SORBS3: variants seen among roughly 807,000 people sequenced by gnomAD.
SORBS3 encodes vinexin.
SORBS3 carries 69 observed loss-of-function variants against 98.0 expected under a neutral mutation model. The ratio of observed to expected loss-of-function variants is 0.70; its 90% confidence interval spans 0.58 to 0.86. The LOEUF is 0.86. Ranked by LOEUF, SORBS3 falls within the 40% of genes least tolerant of loss-of-function variation. The pLI, the probability that SORBS3 is intolerant of heterozygous loss-of-function variation, is 0.00. For synonymous variants in SORBS3, 394 were observed against 355.4 expected, an observed-to-expected ratio of 1.11 and a Z score of -1.22; for missense variants, 954 against 908.5, an observed-to-expected ratio of 1.05 and a Z score of -0.64.
chr8:22,572,433 T>C lies in SORBS3; in HGVS notation c.1941T>C (p.Asp647=). The change falls in exon 20 of 21, where the codon GAT becomes GAC. Residue 647 remains aspartate (D), a synonymous_variant. Coordinates refer to ENST00000240123, the MANE Select transcript of SORBS3 (RefSeq NM_005775.5). ...TGGATGTCATGCAGCAGTGTGACGA[T>C]GGCTGGTTTGTGGGTATGTGGGCAG... is the stretch of plus-strand genomic sequence containing the variant. ...DRVDVMQQCD[D]GWFVGVSRRT... 2 of 1,613,542 alleles carry C rather than the reference T, an allele frequency of 1.2e-6. No homozygotes were observed. The highest frequency in any genetic ancestry group is 2.2e-5 in the East Asian group (1 of 44,892).
intron 4 of SORBS3, among the ~76,000 whole-genome samples, chr8:22,557,801 G>A (rs565278439): frequency 1.5e-4 from 23 of 152,320 alleles, no homozygotes; most frequent in African/African-American, 5.5e-4. Context: ...TGACACAGGA[G>A]ACCCTGTCTC....
chr8:22,555,075 G>A, intron 3 of SORBS3, 95 bp downstream of exon 3: 1 of 1,062,234 alleles, frequency 9.4e-7, no homozygotes, highest in Admixed American at 2.0e-5. Context: ...AGCAGCTGGA[G>A]ATGGGGTTCT....
At chr8:22,548,539 G>T (rs1365987695), upstream of SORBS3, among the ~76,000 whole-genome samples, 2 of 152,180 alleles carry the variant, frequency 1.3e-5, no homozygotes, top group Non-Finnish European at 2.9e-5. Flanking sequence ...TCAGAATTCT[G>T]AGAGCAAAAC....
Position 22,554,477 on chromosome 8 carries a change from T to C in SORBS3, c.-30T>C. The C allele has an allele frequency of 1.2e-6, 2 of 1,601,472 alleles. No homozygotes were observed. The highest frequency in any genetic ancestry group is 1.7e-6 in the Non-Finnish European group (2 of 1,176,604). On this transcript the variant is annotated 5_prime_UTR_variant, in exon 2 of 21. Coordinates refer to ENST00000240123, the MANE Select transcript of SORBS3 (RefSeq NM_005775.5). This position sits in a 1 kb window ranked among gnomAD's most constrained non-coding sequence, Gnocchi z 6.5. ...AGGACACGCAGAGGAGCAGCTGGCT[T>C]GCCCGGAGTCCTCCCACCTTGACCC... is the stretch of plus-strand genomic sequence containing the variant.
rs1586912542 is a variant in SORBS3, at chr8:22,574,760, G to A, written c.*32G>A. ...TCCATGGCAACTTGGAGCCAGCCAGGATGGGGTGGGGAGCGGTGGCACTCG... is the reference window on the plus strand; with the variant it reads ...TCCATGGCAACTTGGAGCCAGCCAGAATGGGGTGGGGAGCGGTGGCACTCG... On this transcript the variant is annotated 3_prime_UTR_variant, in exon 21 of 21. Transcript: ENST00000240123. 6.2e-7 allele frequency: 1 copy of A among 1,607,320 alleles called. No homozygotes were observed. The highest frequency in any genetic ancestry group is 8.5e-7 in the Non-Finnish European group (1 of 1,174,270).
At chr8:22,550,128 C>T (rs1047633731), upstream of SORBS3, 4 of 551,436 alleles carry the variant, frequency 7.3e-6, no homozygotes, top group East Asian at 1.5e-4. Context: ...GGCTACCTGG[C>T]GTGGATAAGA....
intron 10 of SORBS3, chr8:22,565,036 C>T (rs1466448208): frequency 2.1e-6 from 3 of 1,403,186 alleles, no homozygotes; most frequent in Non-Finnish European, 2.8e-6. Context: ...ATCGCGGGAT[C>T]AGGAAGCGCG....
At position 22,564,535 on chromosome 8, in the gene SORBS3, G is replaced by A; in HGVS notation, c.816+14G>A. ...CAGCCCATTGAGGTGAGTGCTGCAG[G>A]GTGCTGGGGACAGCAGCCTGATAAA... is the stretch of plus-strand genomic sequence containing the variant. On this transcript the variant is annotated intron_variant, in intron 10 of 20. Transcript: ENST00000240123. 6.2e-7 allele frequency: 1 copy of A among 1,613,996 alleles called. No individual in the cohort carries two copies. The highest frequency in any genetic ancestry group is 8.5e-7 in the Non-Finnish European group (1 of 1,179,964).
chr8:22,563,535 C>G (rs920114199), intron 7 of SORBS3, among the ~76,000 whole-genome samples: 3 of 152,170 alleles, frequency 2.0e-5, no homozygotes. Flanking sequence ...AGCCACAGCA[C>G]CCAGAAAGAC....
At chr8:22,563,893 A>G (rs912176962) in intron 7 of SORBS3, 94 bp from the exon 8 acceptor site, 4 of 934,200 alleles carry the variant, frequency 4.3e-6, no homozygotes, top group Middle Eastern at 2.5e-4. Flanking sequence ...TAGACCCCAC[A>G]GCAGGGACAA....
intron 3 of SORBS3, among the ~76,000 whole-genome samples, chr8:22,556,297 G>A (rs575257760): frequency 6.6e-6 from 1 of 152,338 alleles, no homozygotes; most frequent in Admixed American, 6.5e-5. Context: ...TGGAAACTGA[G>A]ACACTGAGAA....
chr8:22,562,852 C>T (rs184563580), intron 7 of SORBS3, among the ~76,000 whole-genome samples: 198 of 152,358 alleles, frequency 1.3e-3, no homozygotes, highest in Non-Finnish European at 1.5e-3. Context: ...TGTGGTGGCT[C>T]ACGCCTGTAA....
intron 1 of SORBS3, 76 bp downstream of exon 1, chr8:22,552,098 AC>A (rs1166225492): frequency 1.0e-6 from 1 of 978,998 alleles, no homozygotes; most frequent in Non-Finnish European, 1.2e-6. Context: ...AGGGAATCGC[AC>A]CTAGCCCCTC....
Position 22,569,191 on chromosome 8 carries a change from C to A in SORBS3, c.1349C>A (p.Thr450Asn), listed in dbSNP as rs373186749. 258 of 1,611,504 alleles carry A rather than the reference C, an allele frequency of 1.6e-4. No individual in the cohort carries two copies. In the Admixed American group the frequency reaches 1.9e-3, roughly 12 times the overall value. ...DEIPKPIKPPTYQVLEYGEAV... is the reference protein window; with the variant it reads ...DEIPKPIKPPNYQVLEYGEAV... ...ATCCCTAAGCCCATCAAGCCCCCGACCTACCAGGTGCTGGAGTATGGAGAG... is the reference window on the plus strand; with the variant it reads ...ATCCCTAAGCCCATCAAGCCCCCGAACTACCAGGTGCTGGAGTATGGAGAG... Residue 450 changes from threonine (T) to asparagine (N), a missense_variant, in exon 17 of 21, where the codon ACC becomes AAC. Coordinates refer to ENST00000240123, the MANE Select transcript of SORBS3 (RefSeq NM_005775.5).
chr8:22,545,454 T>C (rs1410691644), intron 1 of SORBS3: 2 of 152,240 alleles, frequency 1.3e-5, no homozygotes, highest in Admixed American at 6.5e-5. Flanking sequence ...CGAGAGTGAA[T>C]GGGGTCAGTG....
intron 5 of SORBS3, chr8:22,561,108 C>T (rs1840286020): frequency 2.1e-6 from 1 of 472,928 alleles, no homozygotes; most frequent in Non-Finnish European, 3.7e-6. Flanking sequence ...TTGGGCAAGG[C>T]GGCTGCCCGC....
chr8:22,570,664 G>C (rs530372417), intron 17 of SORBS3, among the ~76,000 whole-genome samples: 18 of 152,136 alleles, frequency 1.2e-4, no homozygotes, highest in Non-Finnish European at 2.9e-5. Flanking sequence ...AACGCCGAAG[G>C]GGGATGCACA....
intron 18 of SORBS3, 41 bp from the exon 19 acceptor site, chr8:22,571,677 C>T (rs1381995179): frequency 6.7e-7 from 1 of 1,482,666 alleles, no homozygotes; most frequent in East Asian, 2.3e-5. Context: ...TACCCATCGT[C>T]TTCCTCCCTC....
At chr8:22,565,222 C>G in intron 10 of SORBS3, 46 bp from the exon 11 acceptor site, 1 of 1,507,248 alleles carries the variant, frequency 6.6e-7, no homozygotes, top group Non-Finnish European at 9.0e-7. Flanking sequence ...GCCTCCCACC[C>G]CCACGGTGCG....
Sources: allele counts gnomAD v4.1 joint callset (sites outside exome capture counted in the v4.1 genomes callset), GRCh38; gene constraint gnomAD v4.1.1; non-coding constraint Gnocchi (gnomAD v3.1); transcripts MANE v1.5; gene names NCBI Gene and HGNC (gene_info 2026-07-23, HGNC 2026-07-21).